Variants in ZNF391 observed in about 807,000 individuals in gnomAD.
ZNF391 encodes the protein zinc finger protein 391.
For synonymous variants in ZNF391, 126 were observed against 142.1 expected, an observed-to-expected ratio of 0.89 and a Z score of 0.80; for missense variants, 375 against 425.5, an observed-to-expected ratio of 0.88 and a Z score of 1.04.
At chr6:27,383,571 T>C (rs1203555484) in intron 1 of ZNF391, among the ~76,000 whole-genome samples, 1 of 152,174 alleles carries the variant, frequency 6.6e-6, no homozygotes, top group Non-Finnish European at 1.5e-5. Flanking sequence ...CTCTTCTGGG[T>C]TGCAGACTGC....
At chr6:27,384,463 C>CAAAAA (rs149396774), upstream of ZNF391, among the ~76,000 whole-genome samples, 2 of 121,462 alleles carry the variant, frequency 1.6e-5, no homozygotes, top group African/African-American at 3.4e-5. Flanking sequence ...GACTCTATCT[C>CAAAAA]AAAAAAAAAA....
chr6:27,386,445 A>G (rs1277271909), upstream of ZNF391, among the ~76,000 whole-genome samples: 1 of 152,190 alleles, frequency 6.6e-6, no homozygotes, highest in Non-Finnish European at 1.5e-5. Flanking sequence ...CTGAATAACC[A>G]ATGAAAACCT....
chr6:27,382,450 C>A (rs1285055120), intron 1 of ZNF391, among the ~76,000 whole-genome samples: 1 of 152,082 alleles, frequency 6.6e-6, no homozygotes, highest in Non-Finnish European at 1.5e-5. Flanking sequence ...CAAGAAAATA[C>A]AAGAAAATAC....
At chr6:27,382,433 C>G (rs1432534938) in intron 1 of ZNF391, among the ~76,000 whole-genome samples, 2 of 152,086 alleles carry the variant, frequency 1.3e-5, no homozygotes, top group African/African-American at 2.4e-5. Flanking sequence ...ACAGCATTTC[C>G]ATATATCAAG....
chr6:27,375,887 G>A (rs1254546641), intron 1 of ZNF391, among the ~76,000 whole-genome samples: 1 of 152,158 alleles, frequency 6.6e-6, no homozygotes, highest in Non-Finnish European at 1.5e-5. Context: ...AGTGTGGGAG[G>A]GGGCCGAGCA....
At chr6:27,387,450 A>C (rs1761601035), upstream of ZNF391, among the ~76,000 whole-genome samples, 1 of 151,780 alleles carries the variant, frequency 6.6e-6, no homozygotes, top group Non-Finnish European at 1.5e-5. Flanking sequence ...GGAACCACCC[A>C]AGTGTTCAAC....
chr6:27,386,859 TAAAA>T (rs1761591112), upstream of ZNF391, among the ~76,000 whole-genome samples: 1 of 152,042 alleles, frequency 6.6e-6, no homozygotes, highest in Admixed American at 6.6e-5. Flanking sequence ...GCACAGGTGA[TAAAA>T]ATAAATAAAT....
At chr6:27,395,216 A>G (rs1761797382) in intron 1 of ZNF391, 1 of 152,198 alleles carries the variant, frequency 6.6e-6, no homozygotes, top group South Asian at 2.1e-4. Flanking sequence ...TGTCCCCATC[A>G]AATCTCATGT....
intron 1 of ZNF391, chr6:27,391,026 C>T (rs1299963634): frequency 6.6e-6 from 1 of 152,010 alleles, no homozygotes; most frequent in East Asian, 1.9e-4. Flanking sequence ...ACTCATACCC[C>T]ATATGAAGAG....
rs1056585189 is a variant in ZNF391 at position 27,400,442 on chromosome 6, A to G, written c.72A>G (p.Leu24=). 6.2e-7 allele frequency: 1 copy of G among 1,614,166 alleles called. No homozygotes were observed. Among genetic ancestry groups the G allele is most frequent in the Non-Finnish European group, 8.5e-7 (1 of 1,180,026 alleles). ...AAGACTATAAAAACGAAGGCCAATTATCAAGGCAAACAAAATGTCCTGCAC... is the reference window on the plus strand; with the variant it reads ...AAGACTATAAAAACGAAGGCCAATTGTCAAGGCAAACAAAATGTCCTGCAC... ...NEEDYKNEGQ[L]SRQTKCPAQK... Residue 24 remains leucine, a synonymous_variant, in exon 3 of 3, where the codon TTA becomes TTG. Coordinates refer to ENST00000244576, the MANE Select transcript of ZNF391 (RefSeq NM_001076781.3).
intron 1 of ZNF391, among the ~76,000 whole-genome samples, chr6:27,381,408 C>G (rs575810026): frequency 4.7e-4 from 72 of 152,342 alleles, no homozygotes; most frequent in African/African-American, 1.7e-3. Flanking sequence ...CCAAGCACCG[C>G]GCGCAGCCCC....
Position 27,401,177 on chromosome 6 carries a change from AAC to A in ZNF391, c.814_815del (p.Thr272TrpfsTer6), listed in dbSNP as rs1561815197. Reference sequence around the variant, plus strand: ...TCTCATCGCTTACTGAACATCAGAGAACACACACTGGGGAGAACCCCTATGAG... The same window carrying A: ...TCTCATCGCTTACTGAACATCAGAGAACACACTGGGGAGAACCCCTATGAG... The part of the protein sequence containing the change: ...WISSLTEHQR[T>X]HTGENPYECS... On this transcript the variant is annotated frameshift_variant, in exon 3 of 3. Coordinates refer to ENST00000244576, the MANE Select transcript of ZNF391 (RefSeq NM_001076781.3). LOFTEE classifies it low-confidence loss of function (END_TRUNC). 5 of 1,614,210 alleles carry A rather than the reference AAC, an allele frequency of 3.1e-6. No individual in the cohort carries two copies. The highest frequency in any genetic ancestry group is 4.5e-5 in the East Asian group (2 of 44,886).
rs532359355 is a variant in ZNF391, at chr6:27,383,493, T to C, written n.523+8356T>C. Among the ~76,000 whole-genome samples the C allele has an allele frequency of 4.6e-5, 7 of 152,294 alleles. No homozygotes were observed. In the East Asian group the frequency reaches 1.4e-3, roughly 29 times the overall value. On this transcript the variant is annotated intron_variant and non_coding_transcript_variant, in intron 1 of 2. Transcript: ENST00000477999. ...TGCCTTATTAACAAAAGAAATTTAT[T>C]TCTTATACCTCTGGGTTCTGAAAGT...
rs1223322459 is a variant in ZNF391 at position 27,400,963 on chromosome 6, G to A, written c.593G>A (p.Cys198Tyr). The A allele has an allele frequency of 5.0e-6, 8 of 1,614,198 alleles. No individual in the cohort carries two copies. Among genetic ancestry groups the A allele is most frequent in the Non-Finnish European group, 6.8e-6 (8 of 1,180,024 alleles). ...TGEKPYECSE[C>Y]GKAFSRSTNL... ...GAAAAACCATATGAATGTAGTGAAT[G>A]TGGAAAAGCCTTTAGCCGAAGCACT... The change falls in exon 3 of 3, where the codon TGT becomes TAT. Residue 198 changes from cysteine to tyrosine, a missense_variant. Cys to Tyr is a radical substitution (Grantham distance 194). Coordinates refer to ENST00000244576, the MANE Select transcript of ZNF391 (RefSeq NM_001076781.3).
intron 1 of ZNF391, among the ~76,000 whole-genome samples, chr6:27,383,676 C>T (rs1240128102): frequency 6.6e-6 from 1 of 152,152 alleles, no homozygotes; most frequent in Non-Finnish European, 1.5e-5. Context: ...ATGAGGGCCC[C>T]ACCCACATGG....
intron 1 of ZNF391, among the ~76,000 whole-genome samples, chr6:27,380,900 A>T (rs1369281985): frequency 6.6e-6 from 1 of 152,082 alleles, no homozygotes; most frequent in East Asian, 1.9e-4. Flanking sequence ...ATGTTTACAA[A>T]CCTTGAGTTA....
At chr6:27,390,638 A>G (rs2113648942) in intron 1 of ZNF391, among the ~76,000 whole-genome samples, 1 of 152,314 alleles carries the variant, frequency 6.6e-6, no homozygotes, top group Admixed American at 6.5e-5. Flanking sequence ...GCCAGGAAAA[A>G]GAATGCATCT....
chr6:27,389,381 G>C (rs1197520307), intron 1 of ZNF391: 1 of 455,534 alleles, frequency 2.2e-6, no homozygotes, highest in Non-Finnish European at 4.4e-6. Context: ...GTGTTTCCCA[G>C]GTGCTTACTG....
Position 27,401,239 on chromosome 6 carries a change from C to T in ZNF391, c.869C>T (p.Ser290Leu), listed in dbSNP as rs374426624. Residue 290 changes from serine to leucine, a missense_variant, in exon 3 of 3, where the codon TCG becomes TTG. By Grantham distance (145) the Ser-to-Leu change is moderately radical (BLOSUM62 -2). Transcript: ENST00000244576. ...TGTGGGAAAGTGTTCAGTCGAAGCT[C>T]GTCTCTTACAGAACATCAGAGAATC... Reference protein sequence around the residue: ...SECGKVFSRSSSLTEHQRIHS... With the variant: ...SECGKVFSRSLSLTEHQRIHS... 6 of 1,613,968 alleles carry T rather than the reference C, an allele frequency of 3.7e-6. No homozygotes were observed. The highest frequency in any genetic ancestry group is 3.3e-5 in the South Asian group (3 of 91,072).
Sources: gnomAD v4.1 joint callset for allele counts (sites outside exome capture counted in the v4.1 genomes callset) on GRCh38, gnomAD v4.1.1 for gene constraint, MANE v1.5 for transcripts, NCBI Gene and HGNC (gene_info 2026-07-23, HGNC 2026-07-21) for gene names.